FRAS1: variants seen among roughly 807,000 people sequenced by gnomAD.
The protein encoded by FRAS1 is extracellular matrix organizing protein FRAS1.
FRAS1 carries 290 observed loss-of-function variants against 435.2 expected under a neutral mutation model. The observed-to-expected ratio is 0.67, with a 90% CI of 0.61 to 0.73. The LOEUF is 0.73. FRAS1 is among the 30% of genes least tolerant of loss of function. The pLI is 0.00. For synonymous variants in FRAS1, 1,800 were observed against 1,851.0 expected (o/e 0.97, Z 0.71); for missense variants, 4,860 against 5,001.5 (o/e 0.97, Z 0.85).
At chr4:78,330,526 A>G (rs1019637967) in intron 18 of FRAS1, among the ~76,000 whole-genome samples, 1 of 152,236 alleles carries the variant, frequency 6.6e-6, no homozygotes, top group African/African-American at 2.4e-5. Flanking sequence ...AATGGGAGAA[A>G]TATCGCTGAA....
At chr4:78,370,189 T>C (rs1421432825) in intron 23 of FRAS1, among the ~76,000 whole-genome samples, 1 of 152,234 alleles carries the variant, frequency 6.6e-6, no homozygotes, top group Non-Finnish European at 1.5e-5. Context: ...AGCACCTATT[T>C]GTGTCAGATG....
At chr4:78,111,752 T>TAAAAA (rs564909222) in intron 2 of FRAS1, among the ~76,000 whole-genome samples, 30 of 104,818 alleles carry the variant, frequency 2.9e-4, no homozygotes, top group East Asian at 6.3e-4. Context: ...TAGAGTATAA[T>TAAAAA]AAAAAAAAAA....
At chr4:78,158,129 C>A (rs1351684847) in intron 2 of FRAS1, among the ~76,000 whole-genome samples, 2 of 152,110 alleles carry the variant, frequency 1.3e-5, no homozygotes, top group Non-Finnish European at 2.9e-5. Flanking sequence ...TGGCTTTACT[C>A]CTTTTGCTTA....
chr4:78,466,848 A>C (rs1482473470), intron 50 of FRAS1, among the ~76,000 whole-genome samples: 1 of 152,146 alleles, frequency 6.6e-6, no homozygotes, highest in South Asian at 2.1e-4. Flanking sequence ...CCCTCAGCCT[A>C]ACCAGAGTTT....
chr4:78,288,289 A>C (rs1453351203), intron 14 of FRAS1, among the ~76,000 whole-genome samples: 1 of 152,154 alleles, frequency 6.6e-6, no homozygotes, highest in Non-Finnish European at 1.5e-5. Flanking sequence ...CTTTTATCCC[A>C]TCAAAGAGAT....
chr4:78,434,188 T>A (rs559303103), intron 38 of FRAS1, among the ~76,000 whole-genome samples: 128 of 152,342 alleles, frequency 8.4e-4, no homozygotes, highest in Non-Finnish European at 1.5e-3. Context: ...TAGGAACAGA[T>A]GAGTCTGTTC....
intron 63 of FRAS1, 61 bp downstream of exon 63, chr4:78,509,067 G>C: frequency 7.3e-7 from 1 of 1,366,552 alleles, no homozygotes; most frequent in Non-Finnish European, 1.0e-6. Context: ...GTTGTTCTTT[G>C]TTACTCAGAT....
chr4:78,090,852 A>T (rs1032340812), intron 2 of FRAS1, among the ~76,000 whole-genome samples: 2 of 152,154 alleles, frequency 1.3e-5, no homozygotes, highest in Non-Finnish European at 2.9e-5. Context: ...CAAATGTAAA[A>T]CTTCTAAGAG....
chr4:78,067,672 T>TTTATTATTATTATTATTATTA (rs60743368), intron 2 of FRAS1, among the ~76,000 whole-genome samples: 77 of 125,746 alleles, frequency 6.1e-4, no homozygotes, highest in Middle Eastern at 4.0e-3. Flanking sequence ...TTTTCTTTCT[T>TTTATTATTATTATTATTATTA]TTATTATTAT....
At chr4:78,491,646 C>T (rs1720356213) in intron 59 of FRAS1, among the ~76,000 whole-genome samples, 2 of 152,098 alleles carry the variant, frequency 1.3e-5, no homozygotes, top group South Asian at 2.1e-4. Context: ...ATTGATGGAA[C>T]ATATCTCAAA....
At chr4:78,230,182 G>A (rs894348224) in intron 2 of FRAS1, among the ~76,000 whole-genome samples, 1 of 152,196 alleles carries the variant, frequency 6.6e-6, no homozygotes, top group Admixed American at 6.5e-5. Flanking sequence ...AATCATGCCA[G>A]GATGCTGAAA....
intron 2 of FRAS1, among the ~76,000 whole-genome samples, chr4:78,087,664 T>C (rs1294318071): frequency 6.6e-6 from 1 of 152,022 alleles, no homozygotes; most frequent in African/African-American, 2.4e-5. Flanking sequence ...ATGAGTAAAC[T>C]CCCATTCACA....
intron 2 of FRAS1, 95 bp downstream of exon 2, chr4:78,066,111 A>G: frequency 1.2e-6 from 1 of 856,612 alleles, no homozygotes; most frequent in Non-Finnish European, 2.0e-6. Flanking sequence ...TCATTGTAGA[A>G]TATGTTTATT....
At chr4:78,292,435 C>G (rs1318696761) in intron 14 of FRAS1, among the ~76,000 whole-genome samples, 1 of 151,976 alleles carries the variant, frequency 6.6e-6, no homozygotes, top group Non-Finnish European at 1.5e-5. Context: ...GGATGTTGAC[C>G]TAGTTGAGAT....
At chr4:78,094,865 T>A (rs10025194) in intron 2 of FRAS1, among the ~76,000 whole-genome samples, 25,796 of 152,104 alleles carry the variant, frequency 0.17, 2,352 homozygotes, top group Admixed American at 0.21. Flanking sequence ...ATGCCTTGAT[T>A]TCCTCATCTG....
At chr4:78,294,665 C>T (rs1467844731) in intron 14 of FRAS1, among the ~76,000 whole-genome samples, 1 of 152,128 alleles carries the variant, frequency 6.6e-6, no homozygotes, top group Non-Finnish European at 1.5e-5. Context: ...ACCAAAGACC[C>T]TGCTAAAAAT....
chr4:78,357,481 A>G (rs1443941544), intron 20 of FRAS1, among the ~76,000 whole-genome samples: 1 of 152,150 alleles, frequency 6.6e-6, no homozygotes, highest in Non-Finnish European at 1.5e-5. Flanking sequence ...GGCAGGAGCA[A>G]AGGGAATGGT....
intron 66 of FRAS1, among the ~76,000 whole-genome samples, chr4:78,517,108 A>G (rs17470303): frequency 0.14 from 21,218 of 152,230 alleles, 1,781 homozygotes; most frequent in Non-Finnish European, 0.2. Context: ...TTCATTTCAA[A>G]TCAGGTTTAT....
At chr4:78,239,670 A>T (rs1276414725) in intron 3 of FRAS1, among the ~76,000 whole-genome samples, 1 of 152,142 alleles carries the variant, frequency 6.6e-6, no homozygotes, top group Admixed American at 6.5e-5. Flanking sequence ...ACTGCTTCAG[A>T]CACCAAGCCT....
Sources: gnomAD v4.1 joint callset for allele counts (sites outside exome capture counted in the v4.1 genomes callset) on GRCh38, gnomAD v4.1.1 for gene constraint, MANE v1.5 for transcripts, NCBI Gene and HGNC (gene_info 2026-07-23, HGNC 2026-07-21) for gene names.